Variants in CTNNA3 observed in about 807,000 individuals in gnomAD.
The protein encoded by CTNNA3 is catenin alpha 3, also known as catenin alpha-3.
Under a neutral mutation model 95.7 loss-of-function variants are expected in CTNNA3, and 76 were observed. That is an observed-to-expected ratio of 0.79 (90% CI 0.66 to 0.96). The LOEUF (loss-of-function observed/expected upper bound fraction) is 0.96. Ranked by LOEUF, CTNNA3 falls within the 40% of genes least tolerant of loss-of-function variation. The probability of loss-of-function intolerance (pLI) is 0.00; values close to 1 mark genes in which losing one functional copy is unlikely to be tolerated. For missense variants in CTNNA3, 1,191 were observed against 1,089.8 expected (o/e 1.09, Z -1.31); for synonymous variants, 431 against 374.4 (o/e 1.15, Z -1.74).
chr10:67,460,320 G>A (rs1434733727), intron 5 of CTNNA3, among the ~76,000 whole-genome samples: 1 of 152,168 alleles, frequency 6.6e-6, no homozygotes, highest in African/African-American at 2.4e-5. Context: ...GTGGAAACCA[G>A]TTGTGTAACT....
chr10:66,730,766 TG>T (rs2132664587), intron 9 of CTNNA3, among the ~76,000 whole-genome samples: 1 of 152,322 alleles, frequency 6.6e-6, no homozygotes, highest in South Asian at 2.1e-4. Flanking sequence ...AGGAAGGCAC[TG>T]CTAACCCAGA....
intron 7 of CTNNA3, among the ~76,000 whole-genome samples, chr10:67,066,117 A>T (rs945609367): frequency 5.3e-5 from 8 of 151,594 alleles, no homozygotes; most frequent in Non-Finnish European, 1.2e-4. Context: ...GGGAGCTGAG[A>T]TGAGATCTAA....
chr10:66,024,103 T>TTTTTTTTTTTG (rs2079285832), intron 15 of CTNNA3, among the ~76,000 whole-genome samples: 1 of 145,202 alleles, frequency 6.9e-6, no homozygotes, highest in African/African-American at 2.6e-5. Context: ...TTTTTTTTTT[T>TTTTTTTTTTTG]TTTTGAGACG....
intron 7 of CTNNA3, chr10:66,926,868 A>C (rs1847109384): frequency 6.8e-7 from 1 of 1,475,642 alleles, no homozygotes; most frequent in Admixed American, 2.4e-5. Context: ...TGCTTGATTA[A>C]GGATTAATTC....
intron 13 of CTNNA3, among the ~76,000 whole-genome samples, chr10:66,179,475 T>C (rs1392391827): frequency 1.3e-5 from 2 of 152,108 alleles, no homozygotes; most frequent in South Asian, 2.1e-4. Context: ...ATCAGCACCC[T>C]GGTTGGAATA....
intron 7 of CTNNA3, among the ~76,000 whole-genome samples, chr10:67,043,379 A>G (rs1450569186): frequency 6.6e-6 from 1 of 152,140 alleles, no homozygotes; most frequent in East Asian, 1.9e-4. Flanking sequence ...GGTCTGCTCA[A>G]TTAGCCAAAA....
intron 13 of CTNNA3, among the ~76,000 whole-genome samples, chr10:66,255,637 T>A (rs1425949154): frequency 6.6e-6 from 1 of 152,040 alleles, no homozygotes; most frequent in Non-Finnish European, 1.5e-5. Context: ...ATCATCACCC[T>A]CTCCCCATAA....
chr10:66,636,536 G>A lies in CTNNA3; in HGVS notation c.1282-14752C>T, dbSNP rs1040995007. ...GCAAACCAACATATGAATTCTATTTGCACAAGGTTAAATTGTGAAATCCTT... is the reference window on the plus strand; with the variant it reads ...GCAAACCAACATATGAATTCTATTTACACAAGGTTAAATTGTGAAATCCTT... On this transcript the variant is annotated intron_variant, in intron 9 of 17. Transcript: ENST00000433211. Among the ~76,000 whole-genome samples the A allele has an allele frequency of 2.7e-4, 41 of 152,098 alleles. 3 individuals are homozygous for A. The highest frequency in any genetic ancestry group is 2.9e-5 in the Non-Finnish European group (2 of 68,018).
intron 11 of CTNNA3, among the ~76,000 whole-genome samples, chr10:66,486,925 G>T (rs1342321264): frequency 6.6e-6 from 1 of 151,808 alleles, no homozygotes; most frequent in Admixed American, 6.6e-5. Context: ...AATACATTAT[G>T]CTAAGTGACA....
At position 66,649,554 on chromosome 10, in the gene CTNNA3, G is replaced by T. The variant is rs557980968; in HGVS notation, c.1282-27770C>A. Among the ~76,000 whole-genome samples, 9 of 152,262 alleles carry T rather than the reference G, an allele frequency of 5.9e-5. 1 individual carries two copies. In the South Asian group the frequency reaches 1.7e-3, roughly 28 times the overall value. ...CAAACTTACTGTGGAACCCAACACT[G>T]GGCCTGCTCCAGCAAAACCCAACTT... On this transcript the variant is annotated intron_variant, in intron 9 of 17. Coordinates refer to ENST00000433211, the MANE Select transcript of CTNNA3 (RefSeq NM_013266.4).
At chr10:67,425,348 A>G (rs1257843709) in intron 5 of CTNNA3, among the ~76,000 whole-genome samples, 3 of 152,106 alleles carry the variant, frequency 2.0e-5, no homozygotes, top group Non-Finnish European at 4.4e-5. Flanking sequence ...GTATACACAA[A>G]AGAGCTGCTG....
chr10:66,229,754 C>A (rs2089494860), intron 13 of CTNNA3, among the ~76,000 whole-genome samples: 2 of 152,012 alleles, frequency 1.3e-5, no homozygotes. Context: ...ATCTGGATAT[C>A]CATATCTCTT....
At chr10:66,786,577 A>T (rs1438204265) in intron 7 of CTNNA3, among the ~76,000 whole-genome samples, 1 of 152,194 alleles carries the variant, frequency 6.6e-6, no homozygotes, top group Non-Finnish European at 1.5e-5. Context: ...AGGTAACTAG[A>T]AAAGTTTGGC....
intron 5 of CTNNA3, among the ~76,000 whole-genome samples, chr10:67,348,033 G>C (rs533919218): frequency 1.3e-5 from 2 of 152,002 alleles, no homozygotes; most frequent in Non-Finnish European, 1.5e-5. Context: ...TCTTCAACAA[G>C]GGTGCCAAAA....
At chr10:67,288,873 A>G (rs867415086) in intron 5 of CTNNA3, among the ~76,000 whole-genome samples, 2 of 152,180 alleles carry the variant, frequency 1.3e-5, no homozygotes, top group African/African-American at 4.8e-5. Flanking sequence ...CCAGGGCAGG[A>G]GGATTGCATG....
intron 7 of CTNNA3, among the ~76,000 whole-genome samples, chr10:66,952,457 G>A (rs975962325): frequency 2.0e-5 from 3 of 152,168 alleles, no homozygotes; most frequent in Non-Finnish European, 4.4e-5. Flanking sequence ...CCTTGGAGAC[G>A]ATTCAGGGTA....
intron 15 of CTNNA3, among the ~76,000 whole-genome samples, chr10:66,054,151 C>A (rs1455411683): frequency 1.3e-5 from 2 of 152,044 alleles, no homozygotes; most frequent in Non-Finnish European, 2.9e-5. Flanking sequence ...AATTTTATTC[C>A]ATTTCTTGGC....
At chr10:66,024,573 A>G (rs765762966) in intron 15 of CTNNA3, among the ~76,000 whole-genome samples, 1 of 152,200 alleles carries the variant, frequency 6.6e-6, no homozygotes, top group Non-Finnish European at 1.5e-5. Context: ...ATTGACATAC[A>G]CTTTCATGAC....
At chr10:65,928,708 C>T (rs2077204540) in intron 17 of CTNNA3, among the ~76,000 whole-genome samples, 1 of 151,964 alleles carries the variant, frequency 6.6e-6, no homozygotes, top group South Asian at 2.1e-4. Flanking sequence ...CATTTCATAC[C>T]CTCACTCCAT....
Sources: gnomAD v4.1 joint callset for allele counts (sites outside exome capture counted in the v4.1 genomes callset) on GRCh38, gnomAD v4.1.1 for gene constraint, MANE v1.5 for transcripts, NCBI Gene and HGNC (gene_info 2026-07-23, HGNC 2026-07-21) for gene names.